TMC5: variants seen among roughly 807,000 people sequenced by gnomAD.
The protein encoded by TMC5 is transmembrane channel-like protein 5.
Under a neutral mutation model 110.5 loss-of-function variants are expected in TMC5, and 86 were observed. That is an observed-to-expected ratio of 0.78 (90% CI 0.65 to 0.93). The LOEUF is 0.93. Ranked by LOEUF, TMC5 falls within the 40% of genes least tolerant of loss-of-function variation. The pLI, the probability that TMC5 is intolerant of heterozygous loss-of-function variation, is 0.00. For missense variants in TMC5, 1,144 were observed against 1,222.8 expected (o/e 0.94, Z 0.96); for synonymous variants, 455 against 439.5 (o/e 1.04, Z -0.44).
chr16:19,453,359 C>T lies in TMC5; in HGVS notation c.1048+3728C>T, dbSNP rs563631861. ...ATCCCAGCACTTTGGGAGGCCTAGG[C>T]GGGTGGATCACTTGAGGTCAGGAGT... On this transcript the variant is annotated intron_variant, in intron 5 of 21. Coordinates refer to ENST00000542583, the MANE Select transcript of TMC5 (RefSeq NM_001261841.2). Among the ~76,000 whole-genome samples, 6 of 151,912 alleles carry T rather than the reference C, an allele frequency of 3.9e-5. No homozygotes were observed. The South Asian group carries it at 8.3e-4, about 21-fold the overall frequency.
chr16:19,452,533 A>G lies in TMC5; in HGVS notation c.1048+2902A>G, dbSNP rs1283263951. On this transcript the variant is annotated intron_variant, in intron 5 of 21. Coordinates refer to ENST00000542583, the MANE Select transcript of TMC5 (RefSeq NM_001261841.2). ...GGAGTTCGATACCAGCCTGGCCAAC[A>G]TGGTGAAACCCCGTCTCTACTAAAA... 2.6e-5 allele frequency among the ~76,000 whole-genome samples: 4 copies of G among 152,064 alleles called. No individual in the cohort carries two copies. The East Asian group carries it at 7.7e-4, about 29-fold the overall frequency.
chr16:19,424,296 T>C (rs997732895), intron 1 of TMC5, among the ~76,000 whole-genome samples: 1 of 152,212 alleles, frequency 6.6e-6, no homozygotes, highest in Non-Finnish European at 1.5e-5. Context: ...CCTGTAAACC[T>C]ATAAACCATA....
intron 2 of TMC5, among the ~76,000 whole-genome samples, chr16:19,434,291 ATATTATAT>A (rs1967277598): frequency 8.1e-6 from 1 of 124,050 alleles, no homozygotes; most frequent in African/African-American, 3.1e-5. Context: ...TATATAATAT[ATATTATAT>A]GATCTATATT....
At chr16:19,497,248 T>TC in intron 21 of TMC5, 85 bp downstream of exon 21, 1 of 1,431,604 alleles carries the variant, frequency 7.0e-7, no homozygotes, top group South Asian at 1.2e-5. Context: ...TGCTCATGTG[T>TC]CCATTACTTT....
chr16:19,459,832 C>CT (rs1567311809), intron 5 of TMC5, among the ~76,000 whole-genome samples: 2 of 144,020 alleles, frequency 1.4e-5, no homozygotes, highest in East Asian at 4.3e-4. Context: ...GTGGGAGGAT[C>CT]GCTTAAGTCC....
intron 12 of TMC5, 134 bp downstream of exon 12, chr16:19,474,410 G>A: frequency 9.6e-7 from 1 of 1,038,806 alleles, no homozygotes; most frequent in Non-Finnish European, 1.4e-6. Flanking sequence ...AGGTGTGGCT[G>A]GGCGTGGTGG....
intron 5 of TMC5, among the ~76,000 whole-genome samples, chr16:19,458,744 C>T (rs1967947832): frequency 6.6e-6 from 1 of 152,134 alleles, no homozygotes; most frequent in Admixed American, 6.6e-5. Flanking sequence ...CCCTTCCTAC[C>T]CAGGAAGAGG....
At chr16:19,444,295 A>G in intron 4 of TMC5, 45 bp downstream of exon 4, 1 of 1,581,008 alleles carries the variant, frequency 6.3e-7, no homozygotes, top group South Asian at 1.1e-5. Flanking sequence ...AAAAAACTGA[A>G]ATCACTGGAT....
At chr16:19,447,926 C>G (rs1053402544) in intron 4 of TMC5, among the ~76,000 whole-genome samples, 1 of 151,986 alleles carries the variant, frequency 6.6e-6, no homozygotes, top group African/African-American at 2.4e-5. Context: ...GGGCGCACAA[C>G]TAGGAAGTAA....
chr16:19,423,807 A>G (rs1967034811), intron 1 of TMC5, among the ~76,000 whole-genome samples: 1 of 152,170 alleles, frequency 6.6e-6, no homozygotes, highest in South Asian at 2.1e-4. Flanking sequence ...GCTGGAGTGC[A>G]GTGGTGCCAT....
At position 19,498,407 on chromosome 16, in the gene TMC5, T is replaced by C. The variant is rs776681727; in HGVS notation, c.*441T>C. 2.4e-5 allele frequency: 4 copies of C among 164,066 alleles called. No individual in the cohort carries two copies. Among genetic ancestry groups the C allele is most frequent in the Non-Finnish European group, 5.3e-5 (4 of 76,140 alleles). The allele number at this position is 164,066 out of a possible 1,614,324, so 10.2% of individuals were successfully genotyped here. A position where few individuals can be genotyped will look rare whatever the true frequency, so the allele number is the denominator to read the frequency against. ...AACATGTAATACTCCAGCAGGGATATGAAGCCTCTGAATTGTAGAACCTGC... is the reference window on the plus strand; with the variant it reads ...AACATGTAATACTCCAGCAGGGATACGAAGCCTCTGAATTGTAGAACCTGC... On this transcript the variant is annotated 3_prime_UTR_variant, in exon 22 of 22. Transcript: ENST00000542583.
At chr16:19,412,658 G>A (rs760826009) in intron 1 of TMC5, among the ~76,000 whole-genome samples, 9 of 151,900 alleles carry the variant, frequency 5.9e-5, no homozygotes, top group African/African-American at 9.7e-5. Flanking sequence ...GTGAGCCACC[G>A]CACCCAGCCC....
upstream of TMC5, among the ~76,000 whole-genome samples, chr16:19,417,238 A>ACAGAACCC (rs1240804699): frequency 3.3e-5 from 5 of 151,684 alleles, no homozygotes; most frequent in African/African-American, 4.8e-5. Context: ...GGGCAACACG[A>ACAGAACCC]CAGAACCCCA....
intron 5 of TMC5, chr16:19,456,876 C>G: frequency 6.2e-7 from 1 of 1,614,186 alleles, no homozygotes; most frequent in South Asian, 1.1e-5. Context: ...GACTCTCAGA[C>G]AGTCAGCAAA....
intron 1 of TMC5, among the ~76,000 whole-genome samples, chr16:19,424,563 C>A (rs1253073814): frequency 6.6e-6 from 1 of 152,140 alleles, no homozygotes; most frequent in Non-Finnish European, 1.5e-5. Context: ...ACAGGAGAAC[C>A]ACTTCAACCT....
Position 19,481,408 on chromosome 16 carries a change from A to G in TMC5, c.2306A>G (p.Gln769Arg). The change falls in exon 15 of 22, where the codon CAG (glutamine) becomes CGG (arginine). Residue 769 changes from glutamine to arginine, a missense_variant. Gln to Arg is a conservative substitution (Grantham distance 43). Coordinates refer to ENST00000542583, the MANE Select transcript of TMC5 (RefSeq NM_001261841.2). The part of the protein sequence containing the change: ...GMQLITSLGL[Q>R]EFDIARNVLE... ...CAACTGATCACAAGTCTTGGCCTTC[A>G]GGAGTTTGACATTGCCAGGAACGTT... The G allele has an allele frequency of 1.2e-6, 2 of 1,614,142 alleles. No individual in the cohort carries two copies. The highest frequency in any genetic ancestry group is 1.7e-6 in the Non-Finnish European group (2 of 1,179,988).
chr16:19,460,254 C>A lies in TMC5; in HGVS notation c.1068C>A (p.Ser356=). The A allele has an allele frequency of 1.2e-6, 2 of 1,613,130 alleles. No homozygotes were observed. Among genetic ancestry groups the A allele is most frequent in the Non-Finnish European group, 1.7e-6 (2 of 1,179,388 alleles). The change falls in exon 6 of 22, where the codon TCC becomes TCA. Residue 356 remains serine (S), a synonymous_variant. Coordinates refer to ENST00000542583, the MANE Select transcript of TMC5 (RefSeq NM_001261841.2). ...KSPQGQKLIA[S]LIPMTSRDRI... ...TCATAGGACAGAAGTTAATCGCATCCCTTATACCCATGACATCCAGAGACA... is the reference window on the plus strand; with the variant it reads ...TCATAGGACAGAAGTTAATCGCATCACTTATACCCATGACATCCAGAGACA...
At chr16:19,490,711 TTTCC>T (rs150837460) in intron 18 of TMC5, 143 bp downstream of exon 18, 49,519 of 388,310 alleles carry the variant, frequency 0.13, 8,151 homozygotes, top group South Asian at 0.25. Context: ...GGTAGTTTTC[TTTCC>T]TTCCTTCCTT....
At position 19,462,651 on chromosome 16, in the gene TMC5, G is replaced by A. The variant is rs865966519; in HGVS notation, c.1149-629G>A. On this transcript the variant is annotated intron_variant, in intron 6 of 21. Transcript: ENST00000542583. ...GTGGTGGCTCATGCCTGTAATCCCA[G>A]CACTTTGGGAGGCCAAGGCAGGTGG... 7.9e-5 allele frequency: 49 copies of A among 621,888 alleles called. No individual in the cohort carries two copies. The Middle Eastern group carries it at 1.7e-3, about 21-fold the overall frequency. 38.5% of individuals were successfully genotyped at this position (621,888 alleles called of 1,614,324 possible).
Sources: gnomAD v4.1 joint callset for allele counts (sites outside exome capture counted in the v4.1 genomes callset) on GRCh38, gnomAD v4.1.1 for gene constraint, MANE v1.5 for transcripts, NCBI Gene and HGNC (gene_info 2026-07-23, HGNC 2026-07-21) for gene names.